Variants in ITGBL1 observed in about 807,000 individuals in gnomAD.
ITGBL1 encodes the protein integrin subunit beta like 1, also known as integrin beta-like protein 1.
ITGBL1 carries 51 observed loss-of-function variants against 68.5 expected under a neutral mutation model. The ratio of observed to expected loss-of-function variants is 0.74; its 90% CI spans 0.59 to 0.94. The LOEUF (loss-of-function observed/expected upper bound fraction) is 0.94. ITGBL1 is among the 40% of genes least tolerant of loss of function. The probability of loss-of-function intolerance (pLI) is 0.00; values close to 1 mark genes in which losing one functional copy is unlikely to be tolerated. For missense variants in ITGBL1, 649 were observed against 647.4 expected, an observed-to-expected ratio of 1.00 and a Z score of -0.03; for synonymous variants, 209 against 227.3, an observed-to-expected ratio of 0.92 and a Z score of 0.72.
At chr13:101,464,817 A>G (rs1011291980) in intron 2 of ITGBL1, among the ~76,000 whole-genome samples, 1 of 152,196 alleles carries the variant, frequency 6.6e-6, no homozygotes, top group African/African-American at 2.4e-5. Context: ...TGTTATACAC[A>G]GGGACATACA....
At chr13:101,691,983 C>A (rs2033891549) in intron 7 of ITGBL1, among the ~76,000 whole-genome samples, 1 of 152,002 alleles carries the variant, frequency 6.6e-6, no homozygotes, top group East Asian at 1.9e-4. Flanking sequence ...AAACGATGAA[C>A]CAAATTCATT....
chr13:101,574,214 C>T (rs1566737920), intron 3 of ITGBL1, among the ~76,000 whole-genome samples: 1 of 152,038 alleles, frequency 6.6e-6, no homozygotes, highest in East Asian at 1.9e-4. Context: ...ATGAACTGCA[C>T]CTCAGGTTGC....
At chr13:101,477,078 G>T (rs758745119) in intron 2 of ITGBL1, among the ~76,000 whole-genome samples, 8 of 152,080 alleles carry the variant, frequency 5.3e-5, no homozygotes, top group Non-Finnish European at 8.8e-5. Context: ...CTCAAGGGTA[G>T]ACTATATGTT....
intron 2 of ITGBL1, among the ~76,000 whole-genome samples, chr13:101,541,688 C>CT (rs967768487): frequency 6.6e-4 from 100 of 151,862 alleles, no homozygotes; most frequent in African/African-American, 2.2e-3. Flanking sequence ...TGGTCCTGGA[C>CT]TTTTTTTTGG....
At chr13:101,519,242 C>G (rs1237372067) in intron 2 of ITGBL1, among the ~76,000 whole-genome samples, 2 of 152,104 alleles carry the variant, frequency 1.3e-5, no homozygotes, top group African/African-American at 4.8e-5. Flanking sequence ...ACTAAGGGCA[C>G]CATAGTCTAC....
intron 2 of ITGBL1, among the ~76,000 whole-genome samples, chr13:101,481,085 C>CACACGCATATAT (rs71121196): frequency 9.4e-5 from 14 of 149,084 alleles, no homozygotes; most frequent in East Asian, 4.0e-4. Flanking sequence ...TATATACACA[C>CACACGCATATAT]ATATATATAC....
At chr13:101,543,326 T>C (rs2049748436) in intron 2 of ITGBL1, among the ~76,000 whole-genome samples, 1 of 152,226 alleles carries the variant, frequency 6.6e-6, no homozygotes, top group African/African-American at 2.4e-5. Context: ...AAGCTTAGTT[T>C]GGCTGGATAT....
intron 7 of ITGBL1, among the ~76,000 whole-genome samples, chr13:101,608,215 A>G (rs2030963229): frequency 6.6e-6 from 1 of 152,068 alleles, no homozygotes; most frequent in East Asian, 1.9e-4. Flanking sequence ...TCCCTTACCT[A>G]GGAACATACT....
At chr13:101,498,262 A>G (rs1352800687) in intron 2 of ITGBL1, among the ~76,000 whole-genome samples, 2 of 152,058 alleles carry the variant, frequency 1.3e-5, no homozygotes, top group Non-Finnish European at 2.9e-5. Context: ...TACTTTCCAT[A>G]TGGCCTGATG....
At chr13:101,529,517 T>C (rs2049436747) in intron 2 of ITGBL1, among the ~76,000 whole-genome samples, 1 of 152,190 alleles carries the variant, frequency 6.6e-6, no homozygotes. Context: ...AAAACTATGT[T>C]AGCATCCCTA....
At chr13:101,560,430 T>G (rs2139234171) in intron 2 of ITGBL1, among the ~76,000 whole-genome samples, 1 of 152,278 alleles carries the variant, frequency 6.6e-6, no homozygotes, top group Non-Finnish European at 1.5e-5. Context: ...ACACCTAGCT[T>G]ATCAGATGCA....
intron 7 of ITGBL1, among the ~76,000 whole-genome samples, chr13:101,624,582 A>T (rs2031706078): frequency 6.6e-6 from 1 of 152,190 alleles, no homozygotes; most frequent in African/African-American, 2.4e-5. Flanking sequence ...CTCAGTGAAC[A>T]TCTGTGCTTT....
chr13:101,488,925 G>C (rs1055509263), intron 2 of ITGBL1, among the ~76,000 whole-genome samples: 26 of 152,150 alleles, frequency 1.7e-4, no homozygotes, highest in Non-Finnish European at 7.3e-5. Context: ...TTTGCCTGCA[G>C]CCGCTGAAGT....
chr13:101,531,700 GTTATTTATTTATTTAT>G lies in ITGBL1; in HGVS notation c.317-35970_317-35955del, dbSNP rs10551253. ...TTGAAGGTTTTATTTTTTTTATTTT[GTTATTTATTTATTTAT>G]TTATTTATTTATTTATTTATTTATT... On this transcript the variant is annotated intron_variant, in intron 2 of 10. Transcript: ENST00000376180. Among the ~76,000 whole-genome samples the G allele has an allele frequency of 5.0e-3, 698 of 140,040 alleles. 9 individuals are homozygous for G. The highest frequency in any genetic ancestry group is 0.016 in the African/African-American group (599 of 37,622). 91.9% of individuals were successfully genotyped at this position (140,040 alleles called of 152,430 possible).
intron 2 of ITGBL1, among the ~76,000 whole-genome samples, chr13:101,525,302 G>C (rs138283932): frequency 3.0e-4 from 45 of 152,058 alleles, no homozygotes; most frequent in Non-Finnish European, 5.4e-4. Context: ...TTTCATTCAA[G>C]CATTGTTCAC....
chr13:101,624,194 A>G (rs2031691755), intron 7 of ITGBL1, among the ~76,000 whole-genome samples: 1 of 152,188 alleles, frequency 6.6e-6, no homozygotes, highest in Admixed American at 6.6e-5. Context: ...TGTTTTATTT[A>G]GCATGGATCT....
At chr13:101,675,921 C>T (rs995649096) in intron 7 of ITGBL1, among the ~76,000 whole-genome samples, 8 of 152,126 alleles carry the variant, frequency 5.3e-5, no homozygotes, top group Non-Finnish European at 1.2e-4. Context: ...ATCTTTCCTT[C>T]TGTGTCTAGT....
chr13:101,627,739 A>G (rs2139401271), intron 7 of ITGBL1, among the ~76,000 whole-genome samples: 1 of 152,150 alleles, frequency 6.6e-6, no homozygotes, highest in Admixed American at 6.6e-5. Context: ...ACTTACGAAT[A>G]TGCACTTAAG....
intron 7 of ITGBL1, among the ~76,000 whole-genome samples, chr13:101,676,048 T>G: frequency 6.6e-6 from 1 of 150,932 alleles, no homozygotes; most frequent in East Asian, 1.9e-4. Context: ...ACAGTAATAT[T>G]TTTTGAACAT....
Sources: gnomAD v4.1 joint callset for allele counts (sites outside exome capture counted in the v4.1 genomes callset) on GRCh38, gnomAD v4.1.1 for gene constraint, MANE v1.5 for transcripts, NCBI Gene and HGNC (gene_info 2026-07-23, HGNC 2026-07-21) for gene names.